RTKN2: variants seen among roughly 807,000 people sequenced by gnomAD.
RTKN2 encodes the protein rhotekin-2.
RTKN2 carries 69 observed loss-of-function variants against 71.5 expected under a neutral mutation model. The observed-to-expected ratio is 0.96, with a 90% CI of 0.79 to 1.18. The LOEUF (loss-of-function observed/expected upper bound fraction) is 1.18, where lower values mean the gene tolerates loss of function less well. Among genes scored for constraint, RTKN2 ranks in the 50% most tolerant of loss-of-function variants. The pLI is 0.00. For synonymous variants in RTKN2, 236 were observed against 236.5 expected, an observed-to-expected ratio of 1.00 and a Z score of 0.02; for missense variants, 724 against 719.7, an observed-to-expected ratio of 1.01 and a Z score of -0.07.
Position 62,193,685 on chromosome 10 carries a change from T to C in RTKN2, c.*4223A>G. The C allele has an allele frequency of 1.0e-6, 1 of 985,162 alleles. No individual in the cohort carries two copies. The highest frequency in any genetic ancestry group is 1.2e-6 in the Non-Finnish European group (1 of 829,710). The allele number at this position is 985,162 out of a possible 1,614,324, so 61.0% of individuals were successfully genotyped here. A position where few individuals can be genotyped will look rare whatever the true frequency, so the allele number is the denominator to read the frequency against. Reference sequence around the variant, plus strand: ...AGGTACATTAAAATAAGGAGACTCCTTGTGGCTAGTAGCGACTGAATATCC... The same window carrying C: ...AGGTACATTAAAATAAGGAGACTCCCTGTGGCTAGTAGCGACTGAATATCC... On this transcript the variant is annotated 3_prime_UTR_variant, in exon 12 of 12. Transcript: ENST00000373789.
At chr10:62,257,245 A>G (rs528458803) in intron 2 of RTKN2, among the ~76,000 whole-genome samples, 252 of 152,296 alleles carry the variant, frequency 1.7e-3, no homozygotes, top group African/African-American at 5.7e-3. Context: ...CACTGATAAG[A>G]AGAATCAGAC....
chr10:62,236,335 T>C (rs1478938244), intron 5 of RTKN2, 72 bp from the exon 6 acceptor site: 20 of 982,722 alleles, frequency 2.0e-5, no homozygotes, highest in Non-Finnish European at 2.9e-5. Context: ...TTCTTTTATG[T>C]TTATGTAACA....
At chr10:62,210,816 ATG>A (rs1237079828) in intron 9 of RTKN2, among the ~76,000 whole-genome samples, 21 of 152,082 alleles carry the variant, frequency 1.4e-4, no homozygotes, top group African/African-American at 5.1e-4. Flanking sequence ...CTACAGGAAA[ATG>A]TTTGAAAAAT....
At chr10:62,252,179 A>G (rs1177870099) in intron 2 of RTKN2, among the ~76,000 whole-genome samples, 2 of 152,132 alleles carry the variant, frequency 1.3e-5, no homozygotes, top group East Asian at 3.8e-4. Flanking sequence ...CCAGTAAAAT[A>G]ATCAGACTTT....
chr10:62,268,640 A>G lies in RTKN2; in HGVS notation c.-30T>C, dbSNP rs1266439777. Reference sequence around the variant, plus strand: ...AACGCGAACTGTCCGGGCCGTCGCCACTCCTTCAAAGGGAAGATTTGAAAA... The same window carrying G: ...AACGCGAACTGTCCGGGCCGTCGCCGCTCCTTCAAAGGGAAGATTTGAAAA... On this transcript the variant is annotated 5_prime_UTR_variant, in exon 1 of 12. Transcript: ENST00000373789. 2 of 1,547,496 alleles carry G rather than the reference A, an allele frequency of 1.3e-6. No homozygotes were observed. The highest frequency in any genetic ancestry group is 1.7e-6 in the Non-Finnish European group (2 of 1,145,472).
In RTKN2 at chr10:62,195,517, CAGAG is replaced by C. The variant is rs1212971973; in HGVS notation, c.*2387_*2390del. 1.9e-5 allele frequency: 15 copies of C among 781,048 alleles called. No individual in the cohort carries two copies. Among genetic ancestry groups the C allele is most frequent in the Non-Finnish European group, 2.0e-5 (13 of 647,248 alleles). 48.4% of individuals were successfully genotyped at this position (781,048 alleles called of 1,614,324 possible). A position where few individuals can be genotyped will look rare whatever the true frequency, so the allele number is the denominator to read the frequency against. ...AGGAAAGTGGGAAAAGGGGATGAGA[CAGAG>C]AGAGAGGACAGGGGGCCAGAGAAAG... is the stretch of plus-strand genomic sequence containing the variant. On this transcript the variant is annotated 3_prime_UTR_variant, in exon 12 of 12. Coordinates refer to ENST00000373789, the MANE Select transcript of RTKN2 (RefSeq NM_145307.4).
At chr10:62,209,749 G>A (rs189830753) in intron 9 of RTKN2, among the ~76,000 whole-genome samples, 2 of 152,150 alleles carry the variant, frequency 1.3e-5, no homozygotes, top group African/African-American at 4.8e-5. Flanking sequence ...GTTTGCTAAG[G>A]ATAATGTCCT....
intron 3 of RTKN2, among the ~76,000 whole-genome samples, chr10:62,244,487 T>C (rs1321156798): frequency 6.6e-6 from 1 of 152,166 alleles, no homozygotes; most frequent in Non-Finnish European, 1.5e-5. Context: ...CAATAAACTG[T>C]TATGAAATGA....
At chr10:62,233,862 T>C (rs2132966695) in intron 6 of RTKN2, among the ~76,000 whole-genome samples, 1 of 152,300 alleles carries the variant, frequency 6.6e-6, no homozygotes, top group Middle Eastern at 3.4e-3. Context: ...TTTTGCTTTT[T>C]ATAATTACAG....
intron 9 of RTKN2, among the ~76,000 whole-genome samples, chr10:62,211,789 C>T (rs879803012): frequency 5.3e-5 from 8 of 151,728 alleles, no homozygotes; most frequent in East Asian, 1.9e-4. Context: ...CTTAGCCTCC[C>T]GAGTAACTGG....
intron 6 of RTKN2, among the ~76,000 whole-genome samples, chr10:62,232,426 T>C (rs1842169438): frequency 6.6e-6 from 1 of 151,408 alleles, no homozygotes; most frequent in South Asian, 2.1e-4. Flanking sequence ...GTGATCCTCC[T>C]ACTTCAGCCT....
intron 9 of RTKN2, chr10:62,214,966 T>C: frequency 1.4e-6 from 1 of 736,430 alleles, no homozygotes; most frequent in Non-Finnish European, 2.2e-6. Context: ...CTGAGACTAT[T>C]TCTTCACTTG....
At chr10:62,254,018 T>G (rs1589381992) in intron 2 of RTKN2, among the ~76,000 whole-genome samples, 1 of 152,082 alleles carries the variant, frequency 6.6e-6, no homozygotes, top group African/African-American at 2.4e-5. Context: ...AATTGGAAAC[T>G]GGGAAGGAGG....
chr10:62,242,384 G>A (rs1275685715), intron 3 of RTKN2, among the ~76,000 whole-genome samples: 2 of 151,782 alleles, frequency 1.3e-5, no homozygotes, highest in African/African-American at 2.4e-5. Flanking sequence ...ATAATAATTT[G>A]TCTTTACATT....
intron 6 of RTKN2, among the ~76,000 whole-genome samples, chr10:62,235,205 T>C (rs1456724412): frequency 6.6e-6 from 1 of 152,140 alleles, no homozygotes; most frequent in East Asian, 1.9e-4. Context: ...TAGACCTTGT[T>C]TGGATTCCGA....
At chr10:62,216,542 T>A (rs1841773459) in intron 9 of RTKN2, among the ~76,000 whole-genome samples, 1 of 152,070 alleles carries the variant, frequency 6.6e-6, no homozygotes, top group Non-Finnish European at 1.5e-5. Flanking sequence ...GAAAAAATTG[T>A]AGCTAGATTT....
chr10:62,190,870 G>C (rs558122791), downstream of RTKN2, among the ~76,000 whole-genome samples: 10 of 152,130 alleles, frequency 6.6e-5, no homozygotes, highest in South Asian at 2.1e-3. Context: ...TGCCACATTT[G>C]CTTCAATCAT....
chr10:62,215,208 A>G, intron 9 of RTKN2: 1 of 562,194 alleles, frequency 1.8e-6, no homozygotes, highest in Non-Finnish European at 3.0e-6. Flanking sequence ...TATTTAGTAA[A>G]AGCCAAAGTA....
At position 62,215,099 on chromosome 10, in the gene RTKN2, A is replaced by C. The variant is rs1169333211; in HGVS notation, c.1020+2019T>G. ...TTCAAATAAAACTAATGACTTCAAA[A>C]ATATCATTTGTTTAGATTACATTTT... On this transcript the variant is annotated intron_variant, in intron 9 of 11. Coordinates refer to ENST00000373789, the MANE Select transcript of RTKN2 (RefSeq NM_145307.4). 2.7e-6 allele frequency: 4 copies of C among 1,463,322 alleles called. No individual in the cohort carries two copies. In the South Asian group the frequency reaches 5.0e-5, roughly 18 times the overall value. The allele number at this position is 1,463,322 out of a possible 1,614,324, so 90.6% of individuals were successfully genotyped here. A position where few individuals can be genotyped will look rare whatever the true frequency, so the allele number is the denominator to read the frequency against.
Sources: gnomAD v4.1 joint callset for allele counts (sites outside exome capture counted in the v4.1 genomes callset) on GRCh38, gnomAD v4.1.1 for gene constraint, MANE v1.5 for transcripts, NCBI Gene and HGNC (gene_info 2026-07-23, HGNC 2026-07-21) for gene names.